NF1: variants seen among roughly 807,000 people sequenced by gnomAD.
NF1 encodes the protein neurofibromin 1.
NF1 carries 122 observed loss-of-function variants against 325.7 expected under a neutral mutation model. The ratio of observed to expected loss-of-function variants is 0.37; its 90% CI spans 0.32 to 0.44. The LOEUF is 0.44. Among genes scored for constraint, NF1 ranks in the 20% least tolerant of loss-of-function variants. NF1 has a pLI of 1.00. For synonymous variants in NF1, 1,091 were observed against 1,186.0 expected (o/e 0.92, Z 1.65); for missense variants, 2,140 against 3,415.4 (o/e 0.63, Z 9.31).
chr17:31,168,646 G>A (rs971790406), intron 4 of NF1, among the ~76,000 whole-genome samples: 20 of 152,024 alleles, frequency 1.3e-4, no homozygotes, highest in African/African-American at 4.8e-4. Context: ...TGGCTGGGGG[G>A]GGACAAGAAT....
At chr17:31,225,682 A>G (rs1200685874) in intron 17 of NF1, among the ~76,000 whole-genome samples, 2 of 152,188 alleles carry the variant, frequency 1.3e-5, no homozygotes, top group African/African-American at 4.8e-5. Context: ...TGTTTCTGTG[A>G]TTTGTGTTTG....
At chr17:31,145,376 T>G (rs1338684379) in intron 1 of NF1, among the ~76,000 whole-genome samples, 1 of 152,054 alleles carries the variant, frequency 6.6e-6, no homozygotes, top group Non-Finnish European at 1.5e-5. Context: ...TATTTTTGGG[T>G]TTCACGAGGT....
At chr17:31,322,261 C>T (rs1175399688) in intron 36 of NF1, among the ~76,000 whole-genome samples, 3 of 151,956 alleles carry the variant, frequency 2.0e-5, no homozygotes, top group African/African-American at 7.3e-5. Context: ...AGGCAGATCA[C>T]TTGAGGCCAG....
intron 36 of NF1, among the ~76,000 whole-genome samples, chr17:31,291,192 C>T (rs150247221): frequency 1.2e-3 from 184 of 152,076 alleles, no homozygotes; most frequent in African/African-American, 4.1e-3. Flanking sequence ...TAATAGTATC[C>T]CACCAAAGTC....
chr17:31,317,995 T>C, intron 36 of NF1: 1 of 296,726 alleles, frequency 3.4e-6, no homozygotes, highest in Non-Finnish European at 6.3e-6. Context: ...TGTTGCTACA[T>C]AGGGAATATT....
chr17:31,344,149 T>G (rs1190139289), intron 48 of NF1, among the ~76,000 whole-genome samples: 1 of 152,170 alleles, frequency 6.6e-6, no homozygotes, highest in East Asian at 1.9e-4. Context: ...TTTCTTCAAC[T>G]TGTTTATAGT....
chr17:31,312,366 C>G (rs2068899039), intron 36 of NF1, among the ~76,000 whole-genome samples: 1 of 151,828 alleles, frequency 6.6e-6, no homozygotes, highest in Non-Finnish European at 1.5e-5. Flanking sequence ...AAAAAATTAG[C>G]CAGGCGTGGT....
At chr17:31,362,260 C>A in intron 57 of NF1, 1 of 979,606 alleles carries the variant, frequency 1.0e-6, no homozygotes, top group Non-Finnish European at 1.2e-6. Flanking sequence ...AAGGCCAGGG[C>A]AAAACTTAAA....
chr17:31,367,016 A>G (rs1391492755), intron 57 of NF1, among the ~76,000 whole-genome samples: 1 of 152,156 alleles, frequency 6.6e-6, no homozygotes, highest in African/African-American at 2.4e-5. Flanking sequence ...TAAGTGGTAA[A>G]AAAATACATC....
intron 57 of NF1, chr17:31,367,190 C>G (rs2070540842): frequency 2.4e-6 from 3 of 1,268,550 alleles, no homozygotes; most frequent in Admixed American, 2.3e-5. Flanking sequence ...ATGAACATCA[C>G]TTACTTGCTT....
chr17:31,227,399 A>G, intron 19 of NF1, 108 bp downstream of exon 19: 1 of 1,423,188 alleles, frequency 7.0e-7, no homozygotes, highest in South Asian at 1.2e-5. Context: ...AATCCAAGAT[A>G]CGTGCATATT....
At chr17:31,132,121 C>CG (rs1003521751) in intron 1 of NF1, among the ~76,000 whole-genome samples, 35 of 152,020 alleles carry the variant, frequency 2.3e-4, no homozygotes, top group African/African-American at 5.5e-4. Context: ...TTTGTAGAGA[C>CG]GGGGTCTCAC....
chr17:31,324,576 A>AT (rs1380894480), intron 36 of NF1, among the ~76,000 whole-genome samples: 3 of 151,658 alleles, frequency 2.0e-5, no homozygotes, highest in Non-Finnish European at 4.4e-5. Context: ...TTTTATTATT[A>AT]TTTTTTTAAG....
intron 37 of NF1, among the ~76,000 whole-genome samples, chr17:31,327,196 A>G (rs2069366973): frequency 6.6e-6 from 1 of 152,094 alleles, no homozygotes; most frequent in African/African-American, 2.4e-5. Context: ...TCCTGACCTC[A>G]AGTGATCTGC....
At position 31,220,289 on chromosome 17, in the gene NF1, A is replaced by T. The variant is rs139639593; in HGVS notation, c.1641+1171A>T. ...ATACCCAGTAAAAATGTTTATAAAA[A>T]TATTTTAGCACTTACTACGTAATCA... On this transcript the variant is annotated intron_variant, in intron 14 of 57. Coordinates refer to ENST00000358273, the MANE Select transcript of NF1 (RefSeq NM_001042492.3). 1.5e-3 allele frequency among the ~76,000 whole-genome samples: 229 copies of T among 152,284 alleles called. 2 individuals are homozygous for T. Among genetic ancestry groups the T allele is most frequent in the Middle Eastern group, 3.4e-3 (1 of 294 alleles).
Position 31,163,259 on chromosome 17 carries a change from T to G in NF1, c.362T>G (p.Leu121Arg), listed in dbSNP as rs2065793227. Reference sequence around the variant, plus strand: ...TTGCTGCCAGAAATCTGCCATTTTCTTCACACCTGTCGTGAAGGAAACCAG... The same window carrying G: ...TTGCTGCCAGAAATCTGCCATTTTCGTCACACCTGTCGTGAAGGAAACCAG... Reference protein sequence around the residue: ...KQLLPEICHFLHTCREGNQHA... With the variant: ...KQLLPEICHFRHTCREGNQHA... Residue 121 changes from leucine to arginine, a missense_variant, in exon 4 of 58, where the codon CTT (leucine) becomes CGT (arginine). Around this residue, in one of 10 missense-constraint regions of NF1, gnomAD observed 246 missense variants for 347.8 expected, o/e 0.71. Transcript: ENST00000358273. 1.2e-6 allele frequency: 2 copies of G among 1,614,090 alleles called. No individual in the cohort carries two copies.
intron 15 of NF1, chr17:31,222,900 C>T (rs2066951188): frequency 6.3e-6 from 1 of 158,138 alleles, no homozygotes; most frequent in Middle Eastern, 3.0e-3. Context: ...AAACTTTTCT[C>T]TAAAAGGCCA....
Position 31,377,377 on chromosome 17 carries a change from G to A in NF1, c.*3222G>A, listed in dbSNP as rs930893474. The A allele has an allele frequency of 1.7e-5, 4 of 233,182 alleles. No individual in the cohort carries two copies. The highest frequency in any genetic ancestry group is 5.6e-5 in the Admixed American group (1 of 17,770). The allele number at this position is 233,182 out of a possible 1,614,324, so 14.4% of individuals were successfully genotyped here. A position where few individuals can be genotyped will look rare whatever the true frequency, so the allele number is the denominator to read the frequency against. ...ATTGTTAACTTCTTTTTGCGACTGC[G>A]TTACATCATTTAAAGAAAATGCTGT... On this transcript the variant is annotated 3_prime_UTR_variant, in exon 58 of 58. Coordinates refer to ENST00000358273, the MANE Select transcript of NF1 (RefSeq NM_001042492.3).
chr17:31,340,252 G>A (rs982312859), intron 46 of NF1: 5 of 520,634 alleles, frequency 9.6e-6, no homozygotes, highest in African/African-American at 7.7e-5. Flanking sequence ...AACAAACCTT[G>A]GTGACTGGAT....
Sources: gnomAD v4.1 joint callset for allele counts (sites outside exome capture counted in the v4.1 genomes callset) on GRCh38, gnomAD v4.1.1 for gene constraint, gnomAD v4.1.1 regional missense constraint, MANE v1.5 for transcripts, NCBI Gene and HGNC (gene_info 2026-07-23, HGNC 2026-07-21) for gene names.